The following TNFRSF11B variants were observed in gnomAD, a reference collection of about 807,000 sequenced individuals.
TNFRSF11B encodes the protein tumor necrosis factor receptor superfamily member 11B.
A neutral mutation model predicts 43.4 loss-of-function variants in TNFRSF11B; 16 were observed. That is an observed-to-expected ratio of 0.37 (90% CI 0.25 to 0.56). TNFRSF11B has a LOEUF of 0.56. Among genes scored for constraint, TNFRSF11B ranks in the 20% least tolerant of loss-of-function variants. The pLI is 0.80. For synonymous variants in TNFRSF11B, 185 were observed against 181.8 expected, an observed-to-expected ratio of 1.02 and a Z score of -0.14; for missense variants, 444 against 490.1, an observed-to-expected ratio of 0.91 and a Z score of 0.89.
chr8:118,924,635 T>G lies in TNFRSF11B; in HGVS notation c.945A>C (p.Thr315=). 1 of 1,614,208 alleles carries G rather than the reference T, an allele frequency of 6.2e-7. No individual in the cohort carries two copies. The highest frequency in any genetic ancestry group is 8.5e-7 in the Non-Finnish European group (1 of 1,180,036). The change falls in exon 5 of 5, where the codon ACA becomes ACC. Residue 315 remains threonine, a synonymous_variant. Coordinates refer to ENST00000297350, the MANE Select transcript of TNFRSF11B (RefSeq NM_002546.4). ...GGTCACTGGGTTTGCATGCCTTTAT[T>G]GTTTTTTCAATGTCTTCTGCTCCCA... is the stretch of plus-strand genomic sequence containing the variant. ...KKVGAEDIEK[T]IKACKPSDQI... is the part of the protein sequence containing the mutation.
intron 3 of TNFRSF11B, among the ~76,000 whole-genome samples, chr8:118,928,475 CT>C (rs1294184362): frequency 2.6e-5 from 4 of 152,210 alleles, no homozygotes; most frequent in African/African-American, 9.7e-5. Context: ...TGACACTGCC[CT>C]TTGCCTATGG....
intron 1 of TNFRSF11B, among the ~76,000 whole-genome samples, chr8:118,943,353 C>A (rs1812514790): frequency 6.6e-6 from 1 of 152,044 alleles, no homozygotes; most frequent in Non-Finnish European, 1.5e-5. Context: ...GAAGGAGGAG[C>A]TGAAAAAAGG....
chr8:118,933,397 C>T (rs576583371), intron 1 of TNFRSF11B, 97 bp from the exon 2 acceptor site: 2 of 1,564,148 alleles, frequency 1.3e-6, no homozygotes, highest in African/African-American at 1.4e-5. Context: ...CCTGTATTAC[C>T]TTAAGCCTAA....
intron 3 of TNFRSF11B, 133 bp downstream of exon 3, chr8:118,928,605 C>A: frequency 1.0e-6 from 1 of 976,978 alleles, no homozygotes; most frequent in South Asian, 1.4e-5. Context: ...TCGAGAGTAG[C>A]CTTAGCTGGT....
At chr8:118,946,037 A>G (rs929923478) in intron 1 of TNFRSF11B, among the ~76,000 whole-genome samples, 1 of 152,192 alleles carries the variant, frequency 6.6e-6, no homozygotes, top group Non-Finnish European at 1.5e-5. Context: ...TTTTTTAAAA[A>G]TCACAACAAT....
intron 3 of TNFRSF11B, among the ~76,000 whole-genome samples, 155 bp from the exon 4 acceptor site, chr8:118,926,873 G>A (rs897164960): frequency 6.6e-6 from 1 of 152,170 alleles, no homozygotes; most frequent in African/African-American, 2.4e-5. Context: ...GCTTCTGTTG[G>A]CTGGTCTTAG....
chr8:118,947,491 G>T (rs1812581831), intron 1 of TNFRSF11B, among the ~76,000 whole-genome samples: 2 of 152,142 alleles, frequency 1.3e-5, no homozygotes, highest in African/African-American at 4.8e-5. Flanking sequence ...ATCTGTGGGG[G>T]CATTTCTCTG....
At chr8:118,926,235 C>T (rs926553121) in intron 4 of TNFRSF11B, among the ~76,000 whole-genome samples, 4 of 152,164 alleles carry the variant, frequency 2.6e-5, no homozygotes, top group Non-Finnish European at 4.4e-5. Flanking sequence ...GCCCTGCCTT[C>T]AAATGCATTT....
At chr8:118,926,445 A>G (rs1052175886) in intron 4 of TNFRSF11B, 49 bp downstream of exon 4, 1 of 1,472,782 alleles carries the variant, frequency 6.8e-7, no homozygotes, top group African/African-American at 1.4e-5. Flanking sequence ...TTTATGATAA[A>G]TAGGTGTCTT....
chr8:118,928,618 A>C, intron 3 of TNFRSF11B, 120 bp downstream of exon 3: 2 of 1,122,126 alleles, frequency 1.8e-6, no homozygotes, highest in East Asian at 4.7e-5. Context: ...TAGCTGGTTA[A>C]GATTCAAGAA....
chr8:118,941,180 C>T (rs1240152375), intron 1 of TNFRSF11B, among the ~76,000 whole-genome samples: 1 of 152,062 alleles, frequency 6.6e-6, no homozygotes, highest in Non-Finnish European at 1.5e-5. Context: ...ATGTACTGTT[C>T]CATTTGTTCT....
intron 3 of TNFRSF11B, among the ~76,000 whole-genome samples, chr8:118,927,012 AT>A (rs1812254754): frequency 6.6e-6 from 1 of 152,232 alleles, no homozygotes; most frequent in African/African-American, 2.4e-5. Context: ...AAAAATTCTT[AT>A]AATGAATACA....
At chr8:118,937,502 T>G (rs1812420788) in intron 1 of TNFRSF11B, among the ~76,000 whole-genome samples, 1 of 152,240 alleles carries the variant, frequency 6.6e-6, no homozygotes, top group South Asian at 2.1e-4. Flanking sequence ...CCAGTGGAGT[T>G]GCATGCTTAA....
At chr8:118,948,889 C>T (rs558962281) in intron 1 of TNFRSF11B, among the ~76,000 whole-genome samples, 1 of 152,222 alleles carries the variant, frequency 6.6e-6, no homozygotes, top group African/African-American at 2.4e-5. Flanking sequence ...GGAAAACAGA[C>T]AGACCAGACA....
At chr8:118,939,883 G>C (rs1812455879) in intron 1 of TNFRSF11B, among the ~76,000 whole-genome samples, 1 of 152,156 alleles carries the variant, frequency 6.6e-6, no homozygotes, top group Non-Finnish European at 1.5e-5. Context: ...TAACCCTTGA[G>C]ACTTATAAAT....
intron 1 of TNFRSF11B, among the ~76,000 whole-genome samples, chr8:118,934,688 GGTTT>G (rs755396725): frequency 6.1e-5 from 9 of 148,510 alleles, no homozygotes; most frequent in Non-Finnish European, 1.1e-4. Flanking sequence ...TGTAGGGGGT[GGTTT>G]GTTTGTTTTT....
At chr8:118,940,725 C>G (rs1417650223) in intron 1 of TNFRSF11B, among the ~76,000 whole-genome samples, 1 of 152,052 alleles carries the variant, frequency 6.6e-6, no homozygotes, top group African/African-American at 2.4e-5. Flanking sequence ...AAATTGTGCC[C>G]TAAGTTCATT....
Position 118,926,634 on chromosome 8 carries a change from T to C in TNFRSF11B, c.677A>G (p.Asn226Ser). The C allele has an allele frequency of 2.5e-6, 4 of 1,614,094 alleles. No individual in the cohort carries two copies. The highest frequency in any genetic ancestry group is 3.4e-6 in the Non-Finnish European group (4 of 1,179,990). ...TGCGTTTACTTTGGTGCCAGGCAAATTGTCTACCAAGACACTAAGCCAGTT... is the reference window on the plus strand; with the variant it reads ...TGCGTTTACTTTGGTGCCAGGCAAACTGTCTACCAAGACACTAAGCCAGTT... Reference protein sequence around the residue: ...TPNWLSVLVDNLPGTKVNAES... With the variant: ...TPNWLSVLVDSLPGTKVNAES... Residue 226 changes from asparagine (N) to serine (S), a missense_variant, in exon 4 of 5, where the codon AAT becomes AGT. Transcript: ENST00000297350.
At chr8:118,930,641 A>G (rs1310316077) in intron 2 of TNFRSF11B, 3 of 374,208 alleles carry the variant, frequency 8.0e-6, no homozygotes, top group Non-Finnish European at 1.1e-5. Context: ...TGAACTCCTG[A>G]CCTCAGGTGA....
Sources: gnomAD v4.1 joint callset for allele counts (sites outside exome capture counted in the v4.1 genomes callset) on GRCh38, gnomAD v4.1.1 for gene constraint, MANE v1.5 for transcripts, NCBI Gene and HGNC (gene_info 2026-07-23, HGNC 2026-07-21) for gene names.